The following TRIP12 variants were observed in gnomAD, a reference collection of about 807,000 sequenced individuals.
The protein encoded by TRIP12 is E3 ubiquitin-protein ligase TRIP12.
TRIP12 carries 25 observed loss-of-function variants against 244.2 expected under a neutral mutation model. The observed-to-expected ratio is 0.10, with a 90% CI of 0.07 to 0.14. The LOEUF (loss-of-function observed/expected upper bound fraction) is 0.14. TRIP12 is among the 10% of genes least tolerant of loss of function. The pLI is 1.00. For synonymous variants in TRIP12, 905 were observed against 873.1 expected (o/e 1.04, Z -0.64); for missense variants, 1,677 against 2,486.4 (o/e 0.67, Z 6.92).
At chr2:229,808,810 A>G (rs2046527270) in intron 15 of TRIP12, among the ~76,000 whole-genome samples, 1 of 152,248 alleles carries the variant, frequency 6.6e-6, no homozygotes, top group Admixed American at 6.5e-5. Context: ...ATCTTATTGT[A>G]TTGTGATCAG....
chr2:229,886,107 G>GT (rs1467131357), intron 1 of TRIP12, among the ~76,000 whole-genome samples: 1 of 152,096 alleles, frequency 6.6e-6, no homozygotes, highest in Non-Finnish European at 1.5e-5. Context: ...CACTGGGACA[G>GT]TTTATTATTT....
chr2:229,769,093 C>T, intron 40 of TRIP12, 138 bp downstream of exon 40: 1 of 665,698 alleles, frequency 1.5e-6, no homozygotes, highest in Non-Finnish European at 2.5e-6. Context: ...AAGTAAGCAT[C>T]CATTAACAGG....
At chr2:229,848,954 T>G (rs1396855140) in intron 4 of TRIP12, among the ~76,000 whole-genome samples, 2 of 152,180 alleles carry the variant, frequency 1.3e-5, no homozygotes, top group Non-Finnish European at 2.9e-5. Context: ...ATCTCATACT[T>G]TTCCTTAGAG....
intron 2 of TRIP12, among the ~76,000 whole-genome samples, chr2:229,877,662 G>T (rs1477445966): frequency 6.6e-6 from 1 of 152,214 alleles, no homozygotes; most frequent in Non-Finnish European, 1.5e-5. Flanking sequence ...CAGTTCACAT[G>T]CAAGAGTCCC....
chr2:229,799,473 A>G (rs1481280965), intron 21 of TRIP12, 90 bp from the exon 22 acceptor site: 2 of 1,200,058 alleles, frequency 1.7e-6, no homozygotes, highest in Non-Finnish European at 1.2e-6. Context: ...TGGCAGAAAC[A>G]GGGAGTAATA....
chr2:229,797,656 GA>G (rs1270511230), intron 24 of TRIP12, 33 bp downstream of exon 24: 13 of 1,606,100 alleles, frequency 8.1e-6, no homozygotes, highest in South Asian at 2.2e-5. Flanking sequence ...GGAAGAGACT[GA>G]AAAAGACCAG....
At chr2:229,863,607 G>C (rs1274970352) in intron 2 of TRIP12, among the ~76,000 whole-genome samples, 1 of 152,210 alleles carries the variant, frequency 6.6e-6, no homozygotes, top group African/African-American at 2.4e-5. Context: ...TAGACAACCA[G>C]ATGGTACCAT....
intron 26 of TRIP12, 168 bp downstream of exon 26, chr2:229,795,011 G>T (rs920866673): frequency 6.1e-6 from 4 of 657,340 alleles, no homozygotes; most frequent in Non-Finnish European, 9.6e-6. Context: ...TAATTTTAAA[G>T]ATAAGAAAGC....
chr2:229,807,421 C>T, intron 17 of TRIP12: 1 of 417,410 alleles, frequency 2.4e-6, no homozygotes, highest in Non-Finnish European at 4.4e-6. Context: ...AACCTACGGC[C>T]TAAGTCTTCC....
chr2:229,828,338 ATTTG>A (rs1478838329), intron 8 of TRIP12, among the ~76,000 whole-genome samples: 1 of 143,762 alleles, frequency 7.0e-6, no homozygotes. Flanking sequence ...TGCAACAGTG[ATTTG>A]TTTTTTTTTT....
At chr2:229,861,369 CA>C (rs759054768) in intron 2 of TRIP12, among the ~76,000 whole-genome samples, 1 of 152,212 alleles carries the variant, frequency 6.6e-6, no homozygotes, top group Non-Finnish European at 1.5e-5. Context: ...CAATAAAAAA[CA>C]AACACATGTT....
chr2:229,788,495 A>G (rs140606625), intron 32 of TRIP12, among the ~76,000 whole-genome samples: 1 of 152,358 alleles, frequency 6.6e-6, no homozygotes, highest in East Asian at 1.9e-4. Context: ...GCAGGCTCAG[A>G]GAATCAAGCA....
At chr2:229,824,287 G>C (rs978769606) in intron 8 of TRIP12, among the ~76,000 whole-genome samples, 1 of 152,106 alleles carries the variant, frequency 6.6e-6, no homozygotes, top group East Asian at 1.9e-4. Context: ...GAGAAACAAT[G>C]AATTTTGGTA....
At chr2:229,856,154 C>A (rs1280708437) in intron 4 of TRIP12, among the ~76,000 whole-genome samples, 1 of 151,982 alleles carries the variant, frequency 6.6e-6, no homozygotes, top group Non-Finnish European at 1.5e-5. Context: ...TGGTTCCATT[C>A]TCTTGTTTCA....
chr2:229,790,898 T>A (rs200567864), intron 30 of TRIP12, among the ~76,000 whole-genome samples: 1 of 5,786 alleles, frequency 1.7e-4, no homozygotes, highest in Non-Finnish European at 2.9e-4. Context: ...TGGGAATAAG[T>A]TTTTTTCCCA....
At chr2:229,867,172 T>TTTTG (rs1491395878) in intron 2 of TRIP12, among the ~76,000 whole-genome samples, 156 of 8,242 alleles carry the variant, frequency 0.019, 3 homozygotes, top group African/African-American at 0.023. Context: ...TGTTTGTTTG[T>TTTTG]TTTTTTTTTT....
intron 4 of TRIP12, among the ~76,000 whole-genome samples, chr2:229,856,102 A>G (rs2059570239): frequency 6.6e-6 from 1 of 151,808 alleles, no homozygotes; most frequent in Admixed American, 6.6e-5. Flanking sequence ...ATGTAACTGC[A>G]TATGTAAAAT....
Position 229,805,841 on chromosome 2 carries a change from G to A in TRIP12, c.2539C>T (p.Leu847=), listed in dbSNP as rs2045744992. 3 of 1,603,628 alleles carry A rather than the reference G, an allele frequency of 1.9e-6. No homozygotes were observed. Among genetic ancestry groups the A allele is most frequent in the Admixed American group, 1.7e-5 (1 of 59,768 alleles). The part of the protein sequence containing the change: ...VGEDEISLST[L]GRVYTIDFNS... ...AAATCAATAGTATAAACTCGTCCCAGAGTGGACAAGCTTATCTCATCCTCA... is the reference window on the plus strand; with the variant it reads ...AAATCAATAGTATAAACTCGTCCCAAAGTGGACAAGCTTATCTCATCCTCA... Residue 847 remains leucine (L), a synonymous_variant, in exon 18 of 42, where the codon CTG becomes TTG. Coordinates refer to ENST00000675903, the MANE Select transcript of TRIP12 (RefSeq NM_001348323.3).
chr2:229,900,463 A>G (rs1025754241), intron 1 of TRIP12, among the ~76,000 whole-genome samples: 3 of 152,238 alleles, frequency 2.0e-5, no homozygotes, highest in Admixed American at 6.5e-5. Context: ...AACAGTTTCC[A>G]TTTGCAGTCC....
Sources: gnomAD v4.1 joint callset for allele counts (sites outside exome capture counted in the v4.1 genomes callset) on GRCh38, gnomAD v4.1.1 for gene constraint, MANE v1.5 for transcripts, NCBI Gene and HGNC (gene_info 2026-07-23, HGNC 2026-07-21) for gene names.